CACNA2D3: variants seen among roughly 807,000 people sequenced by gnomAD.
CACNA2D3 encodes the protein calcium voltage-gated channel auxiliary subunit alpha2delta 3, also known as voltage-dependent calcium channel subunit alpha-2/delta-3.
CACNA2D3 carries 60 observed loss-of-function variants against 160.6 expected under a neutral mutation model. The ratio of observed to expected loss-of-function variants is 0.37; its 90% CI spans 0.30 to 0.46. CACNA2D3 has a LOEUF of 0.46. CACNA2D3 is among the 20% of genes least tolerant of loss of function. CACNA2D3 has a pLI of 1.00. For synonymous variants in CACNA2D3, 558 were observed against 492.9 expected, an observed-to-expected ratio of 1.13 and a Z score of -1.75; for missense variants, 1,205 against 1,365.0, an observed-to-expected ratio of 0.88 and a Z score of 1.85.
chr3:54,206,044 T>C (rs1701270697), intron 2 of CACNA2D3, among the ~76,000 whole-genome samples: 1 of 152,226 alleles, frequency 6.6e-6, no homozygotes, highest in Non-Finnish European at 1.5e-5. Flanking sequence ...CTGTGTTATA[T>C]GTATGTATTA....
intron 4 of CACNA2D3, among the ~76,000 whole-genome samples, chr3:54,431,225 T>G (rs1457718893): frequency 6.6e-6 from 1 of 151,316 alleles, no homozygotes; most frequent in African/African-American, 2.4e-5. Flanking sequence ...TAATCCCAGC[T>G]ACTCAGGAGG....
intron 35 of CACNA2D3, among the ~76,000 whole-genome samples, chr3:55,072,278 T>G (rs974514338): frequency 1.3e-5 from 2 of 152,164 alleles, no homozygotes; most frequent in Non-Finnish European, 2.9e-5. Context: ...GCATTGGGCA[T>G]TTATAGAAAA....
chr3:55,042,524 T>G (rs994048690), intron 35 of CACNA2D3, among the ~76,000 whole-genome samples: 1 of 152,198 alleles, frequency 6.6e-6, no homozygotes, highest in Non-Finnish European at 1.5e-5. Flanking sequence ...ACCTTCCACT[T>G]ATCTGTGTCT....
chr3:54,587,995 C>G (rs1471967489), intron 9 of CACNA2D3, among the ~76,000 whole-genome samples: 1 of 152,142 alleles, frequency 6.6e-6, no homozygotes, highest in African/African-American at 2.4e-5. Context: ...TAGCGTTTCC[C>G]TGACAAACCA....
intron 27 of CACNA2D3, among the ~76,000 whole-genome samples, chr3:54,945,609 T>C (rs1395313166): frequency 1.3e-5 from 2 of 152,168 alleles, no homozygotes; most frequent in Admixed American, 6.5e-5. Context: ...CTTCAAACTT[T>C]AGTGTCAGTG....
chr3:54,310,690 C>A (rs756375651), intron 2 of CACNA2D3, among the ~76,000 whole-genome samples: 3 of 152,104 alleles, frequency 2.0e-5, no homozygotes, highest in Admixed American at 6.5e-5. Context: ...CTTATTGTTG[C>A]GGCAAAAGAA....
At chr3:54,492,461 G>A (rs1701125721) in intron 4 of CACNA2D3, among the ~76,000 whole-genome samples, 1 of 152,154 alleles carries the variant, frequency 6.6e-6, no homozygotes, top group South Asian at 2.1e-4. Context: ...GGCCATAGGA[G>A]CCATTACTTA....
At chr3:54,839,149 T>C (rs540402870) in intron 16 of CACNA2D3, among the ~76,000 whole-genome samples, 3 of 152,062 alleles carry the variant, frequency 2.0e-5, no homozygotes, top group African/African-American at 7.2e-5. Flanking sequence ...TCCCAGCTGC[T>C]CGGGAGGCTG....
At chr3:54,323,834 C>A (rs796889642) in intron 3 of CACNA2D3, among the ~76,000 whole-genome samples, 4 of 152,064 alleles carry the variant, frequency 2.6e-5, no homozygotes, top group Non-Finnish European at 5.9e-5. Context: ...CACTCTGATG[C>A]GCCACACCTA....
chr3:54,461,385 G>A (rs975129697), intron 4 of CACNA2D3, among the ~76,000 whole-genome samples: 13 of 150,938 alleles, frequency 8.6e-5, no homozygotes, highest in Admixed American at 1.3e-4. Flanking sequence ...GGTAGAATTC[G>A]GCTGTGAATC....
At chr3:54,946,975 A>G (rs561471774) in intron 27 of CACNA2D3, among the ~76,000 whole-genome samples, 1 of 152,342 alleles carries the variant, frequency 6.6e-6, no homozygotes, top group South Asian at 2.1e-4. Context: ...ACCATAGTGC[A>G]TTTAAGATGA....
At chr3:54,976,220 G>A (rs1702388545) in intron 29 of CACNA2D3, among the ~76,000 whole-genome samples, 1 of 151,396 alleles carries the variant, frequency 6.6e-6, no homozygotes, top group Admixed American at 6.6e-5. Flanking sequence ...GAAAGAGTGT[G>A]GGCTTTGGAG....
intron 2 of CACNA2D3, among the ~76,000 whole-genome samples, chr3:54,215,243 T>C (rs1180830683): frequency 6.6e-6 from 1 of 152,252 alleles, no homozygotes. Context: ...TGGTACACAA[T>C]GTGATGTTTT....
chr3:54,408,267 G>A (rs937925549), intron 4 of CACNA2D3, among the ~76,000 whole-genome samples: 2 of 152,150 alleles, frequency 1.3e-5, no homozygotes, highest in Admixed American at 6.5e-5. Flanking sequence ...TCTGGATTGA[G>A]TGGAGCTTCT....
chr3:54,859,958 T>G (rs1699250710), intron 17 of CACNA2D3, among the ~76,000 whole-genome samples: 1 of 135,478 alleles, frequency 7.4e-6, no homozygotes, highest in African/African-American at 3.0e-5. Context: ...TAGAACATCA[T>G]CTGGAAAGTA....
chr3:54,175,633 A>ACC (rs1347852451), intron 2 of CACNA2D3, among the ~76,000 whole-genome samples: 3 of 148,706 alleles, frequency 2.0e-5, no homozygotes, highest in Non-Finnish European at 3.0e-5. Flanking sequence ...AAAAAAAAAA[A>ACC]AGCAGATTAA....
At chr3:54,227,669 C>T (rs1701699850) in intron 2 of CACNA2D3, among the ~76,000 whole-genome samples, 1 of 152,118 alleles carries the variant, frequency 6.6e-6, no homozygotes, top group Admixed American at 6.5e-5. Flanking sequence ...TTTCTTATGC[C>T]TCAGCCTCCC....
chr3:55,031,926 C>T (rs546844745), intron 35 of CACNA2D3, among the ~76,000 whole-genome samples: 30 of 152,272 alleles, frequency 2.0e-4, no homozygotes, highest in African/African-American at 7.0e-4. Flanking sequence ...TTTTAGAAAA[C>T]AAATTATATA....
At chr3:54,523,215 T>C (rs919859021) in intron 5 of CACNA2D3, among the ~76,000 whole-genome samples, 1 of 152,176 alleles carries the variant, frequency 6.6e-6, no homozygotes, top group African/African-American at 2.4e-5. Context: ...GAAGTCACCT[T>C]CTATTCCTAG....
Sources: gnomAD v4.1 joint callset for allele counts (sites outside exome capture counted in the v4.1 genomes callset) on GRCh38, gnomAD v4.1.1 for gene constraint, MANE v1.5 for transcripts, NCBI Gene and HGNC (gene_info 2026-07-23, HGNC 2026-07-21) for gene names.